The following HSPA12A variants were observed in gnomAD, a reference collection of about 807,000 sequenced individuals.
The protein encoded by HSPA12A is heat shock protein family A (Hsp70) member 12A.
HSPA12A carries 28 observed loss-of-function variants against 69.2 expected under a neutral mutation model. The ratio of observed to expected loss-of-function variants is 0.40; its 90% CI spans 0.30 to 0.55. HSPA12A has a LOEUF of 0.55. HSPA12A is among the 20% of genes least tolerant of loss of function. HSPA12A has a pLI of 0.38. For missense variants in HSPA12A, 686 were observed against 900.7 expected (o/e 0.76, Z 3.05); for synonymous variants, 345 against 370.5 (o/e 0.93, Z 0.79).
chr10:116,815,115 A>G (rs958141240), intron 2 of HSPA12A, among the ~76,000 whole-genome samples: 1 of 151,538 alleles, frequency 6.6e-6, no homozygotes, highest in Non-Finnish European at 1.5e-5. Flanking sequence ...TTTTTTAATT[A>G]GCACCAGCTC....
At chr10:116,709,538 T>C (rs1850362436) in intron 1 of HSPA12A, among the ~76,000 whole-genome samples, 1 of 152,106 alleles carries the variant, frequency 6.6e-6, no homozygotes, top group African/African-American at 2.4e-5. Context: ...AAGAACATTC[T>C]TATACATGCT....
intron 10 of HSPA12A, among the ~76,000 whole-genome samples, chr10:116,679,099 C>T (rs1554878208): frequency 2.6e-5 from 4 of 152,164 alleles, no homozygotes; most frequent in African/African-American, 9.7e-5. Context: ...CCTACATTCC[C>T]ATTGGATTAA....
At position 116,671,476 on chromosome 10, in the gene HSPA12A, G is replaced by A. The variant is rs1348757250; in HGVS notation, c.*3305C>T. ...TATACATCTCTACAATGTGAAATTC[G>A]ATCTTTGACTAATAATGCATTCTGA... On this transcript the variant is annotated 3_prime_UTR_variant, in exon 12 of 12. Transcript: ENST00000369209. 2 of 152,308 alleles carry A rather than the reference G, an allele frequency of 1.3e-5. No homozygotes were observed. The highest frequency in any genetic ancestry group is 4.8e-5 in the African/African-American group (2 of 41,434). 9.4% of individuals were successfully genotyped at this position (152,308 alleles called of 1,614,324 possible). A position where few individuals can be genotyped will look rare whatever the true frequency, so the allele number is the denominator to read the frequency against.
chr10:116,781,453 C>T (rs1367207432), intron 2 of HSPA12A, among the ~76,000 whole-genome samples: 4 of 152,140 alleles, frequency 2.6e-5, no homozygotes, highest in Non-Finnish European at 5.9e-5. Context: ...CTCTAGTTTA[C>T]CCCTGGGGGA....
chr10:116,728,136 C>T (rs1665647), intron 1 of HSPA12A, among the ~76,000 whole-genome samples: 150,433 of 151,536 alleles, frequency 0.99, 74,684 homozygotes, highest in Middle Eastern at 1. Context: ...AGAGACAGGA[C>T]TTCACCATGT....
chr10:116,733,088 C>T (rs1330076450), intron 1 of HSPA12A, among the ~76,000 whole-genome samples: 2 of 152,182 alleles, frequency 1.3e-5, no homozygotes, highest in Non-Finnish European at 2.9e-5. Context: ...ACCATCATCC[C>T]TTCAAATCGG....
At chr10:116,726,931 C>T (rs1554885117) in intron 1 of HSPA12A, among the ~76,000 whole-genome samples, 1 of 152,194 alleles carries the variant, frequency 6.6e-6, no homozygotes, top group South Asian at 2.1e-4. Flanking sequence ...AGCAACACCT[C>T]CCTCAGATCT....
chr10:116,799,797 G>A (rs981125497), intron 2 of HSPA12A, among the ~76,000 whole-genome samples: 1 of 152,180 alleles, frequency 6.6e-6, no homozygotes, highest in African/African-American at 2.4e-5. Flanking sequence ...GGTGCTCAGC[G>A]CGTGCTTAGT....
intron 1 of HSPA12A, among the ~76,000 whole-genome samples, chr10:116,836,542 T>C (rs1166323624): frequency 6.6e-6 from 1 of 152,182 alleles, no homozygotes; most frequent in African/African-American, 2.4e-5. Flanking sequence ...AACATTGCTC[T>C]GCAACAACTA....
At chr10:116,718,361 C>G (rs1268275753) in intron 1 of HSPA12A, among the ~76,000 whole-genome samples, 1 of 152,144 alleles carries the variant, frequency 6.6e-6, no homozygotes, top group Non-Finnish European at 1.5e-5. Context: ...GAAGGTTCAT[C>G]CTTCTTCAGC....
Position 116,720,037 on chromosome 10 carries a change from G to A in HSPA12A, c.41-12752C>T, listed in dbSNP as rs549491626. ...AGTTTCTTCCCAGGGTGATAAAAATGTTTGGGAATTTAATAGTGGTGACGG... is the reference window on the plus strand; with the variant it reads ...AGTTTCTTCCCAGGGTGATAAAAATATTTGGGAATTTAATAGTGGTGACGG... On this transcript the variant is annotated intron_variant, in intron 1 of 11. Transcript: ENST00000369209. Among the ~76,000 whole-genome samples, 42 of 152,352 alleles carry A rather than the reference G, an allele frequency of 2.8e-4. 1 individual carries two copies. The South Asian group carries it at 8.3e-3, about 30-fold the overall frequency.
intron 6 of HSPA12A, among the ~76,000 whole-genome samples, chr10:116,690,655 C>A (rs543443884): frequency 2.0e-4 from 31 of 152,274 alleles, no homozygotes; most frequent in African/African-American, 7.5e-4. Flanking sequence ...TCTGGGGTAC[C>A]TATTTGATTC....
intron 2 of HSPA12A, among the ~76,000 whole-genome samples, chr10:116,784,121 T>C (rs1483781097): frequency 6.6e-6 from 1 of 152,278 alleles, no homozygotes; most frequent in East Asian, 1.9e-4. Flanking sequence ...GGGAACCAGA[T>C]GGCTAAGTGG....
intron 1 of HSPA12A, among the ~76,000 whole-genome samples, chr10:116,733,237 T>C (rs1207088185): frequency 1.3e-5 from 2 of 152,076 alleles, no homozygotes; most frequent in African/African-American, 4.8e-5. Flanking sequence ...TAAGGGACAA[T>C]GACTAAAGGA....
At chr10:116,692,316 C>G (rs202207257) in intron 6 of HSPA12A, 35 bp downstream of exon 6, 14 of 1,544,914 alleles carry the variant, frequency 9.1e-6, no homozygotes, top group Non-Finnish European at 1.3e-5. Context: ...GAGTCCTTCT[C>G]CTCCGGCTTC....
chr10:116,833,793 G>A (rs149040118), intron 2 of HSPA12A, among the ~76,000 whole-genome samples: 48 of 152,254 alleles, frequency 3.2e-4, no homozygotes, highest in African/African-American at 1.1e-3. Flanking sequence ...AACACTTTCA[G>A]GGCTACACAG....
chr10:116,679,524 T>C lies in HSPA12A; in HGVS notation c.1265A>G (p.Glu422Gly). The C allele has an allele frequency of 6.2e-7, 1 of 1,613,998 alleles. No individual in the cohort carries two copies. The highest frequency in any genetic ancestry group is 8.5e-7 in the Non-Finnish European group (1 of 1,180,024). The change falls in exon 10 of 12, where the codon GAG becomes GGG. Residue 422 changes from glutamate to glycine, a missense_variant. Glu to Gly is a moderately conservative substitution (Grantham distance 98). Transcript: ENST00000369209. The stretch of plus-strand genomic sequence containing the variant: ...TCACTTGCTTTTCCGCAAGGCGTGC[T>C]CCACACTGTGCCCGCGGAACTTCTT... ...YYKKFRGHSV[E>G]HALRKSNVDF...
At chr10:116,738,909 G>C (rs1336217156) in intron 1 of HSPA12A, among the ~76,000 whole-genome samples, 1 of 152,198 alleles carries the variant, frequency 6.6e-6, no homozygotes, top group Non-Finnish European at 1.5e-5. Context: ...GACCACCAAG[G>C]CGGCAGACAA....
At chr10:116,761,039 A>C (rs541176068) in intron 2 of HSPA12A, among the ~76,000 whole-genome samples, 55 of 152,318 alleles carry the variant, frequency 3.6e-4, no homozygotes, top group Non-Finnish European at 5.9e-4. Flanking sequence ...AAAGTAAAAT[A>C]AATAAATTTT....
Sources: gnomAD v4.1 joint callset for allele counts (sites outside exome capture counted in the v4.1 genomes callset) on GRCh38, gnomAD v4.1.1 for gene constraint, MANE v1.5 for transcripts, NCBI Gene and HGNC (gene_info 2026-07-23, HGNC 2026-07-21) for gene names.